The following C8orf88 variants were observed in gnomAD, a reference collection of about 807,000 sequenced individuals.
C8orf88 encodes chromosome 8 open reading frame 88.
Under a neutral mutation model 18.4 loss-of-function variants are expected in C8orf88, and 14 were observed. That is an observed-to-expected ratio of 0.76 (90% confidence interval 0.50 to 1.19). C8orf88 has a LOEUF of 1.19. Among genes scored for constraint, C8orf88 ranks in the 50% most tolerant of loss-of-function variants. The probability of loss-of-function intolerance (pLI) is 0.00; values close to 1 mark genes in which losing one functional copy is unlikely to be tolerated. For missense variants in C8orf88, 116 were observed against 134.7 expected (o/e 0.86, Z 0.69); for synonymous variants, 45 against 42.9 (o/e 1.05, Z -0.19).
intron 3 of C8orf88, among the ~76,000 whole-genome samples, chr8:90,978,058 C>G (rs1026342703): frequency 1.3e-5 from 2 of 152,114 alleles, no homozygotes; most frequent in Non-Finnish European, 2.9e-5. Flanking sequence ...TACTTCTGAT[C>G]AGAGGAAATA....
chr8:90,969,106 G>A lies in C8orf88; in HGVS notation c.223+1960C>T, dbSNP rs568017787. ...ACAACTACCAATGATCCAGCAAGTC[G>A]GCTCCTAGGTATATGCCTGAGAGAA... On this transcript the variant is annotated intron_variant, in intron 4 of 5. Transcript: ENST00000517562. 1.7e-4 allele frequency among the ~76,000 whole-genome samples: 26 copies of A among 151,840 alleles called. 1 individual carries two copies. The South Asian group carries it at 3.7e-3, about 22-fold the overall frequency.
intron 4 of C8orf88, among the ~76,000 whole-genome samples, chr8:90,961,460 G>C (rs1375454975): frequency 2.0e-5 from 3 of 150,820 alleles, no homozygotes; most frequent in South Asian, 2.1e-4. Context: ...TTTTTAATGT[G>C]CTAAAAGAAA....
chr8:90,978,917 T>G (rs760694915), intron 2 of C8orf88, among the ~76,000 whole-genome samples: 27 of 152,122 alleles, frequency 1.8e-4, no homozygotes, highest in Non-Finnish European at 1.6e-4. Flanking sequence ...ATAATACAAT[T>G]TGATAAGCAG....
chr8:90,959,010 C>T lies in C8orf88; in HGVS notation c.351G>A (p.Lys117=), dbSNP rs1479451025. 1 of 1,411,074 alleles carries T rather than the reference C, an allele frequency of 7.1e-7. No homozygotes were observed. The highest frequency in any genetic ancestry group is 9.5e-7 in the Non-Finnish European group (1 of 1,057,164). 87.4% of individuals were successfully genotyped at this position (1,411,074 alleles called of 1,614,324 possible). Residue 117 remains lysine (K), a synonymous_variant, in exon 6 of 6, where the codon AAG becomes AAA. Coordinates refer to ENST00000517562, the MANE Select transcript of C8orf88 (RefSeq NM_001190972.2). ...AAATTCATCTGTTCTTAAAATGCTA[C>T]TTAAAACTTTGGTTGTTTTCCTGTA... ...LQKPENNQSF[K] is the part of the protein sequence containing the mutation.
chr8:90,959,660 A>G (rs1811096744), intron 5 of C8orf88, among the ~76,000 whole-genome samples: 1 of 151,510 alleles, frequency 6.6e-6, no homozygotes. Context: ...GAACAACATA[A>G]TGTTTTTTAA....
chr8:90,972,775 GA>G (rs1483725266), intron 3 of C8orf88, among the ~76,000 whole-genome samples: 2 of 152,074 alleles, frequency 1.3e-5, no homozygotes, highest in Non-Finnish European at 2.9e-5. Flanking sequence ...GCTAGGTTTT[GA>G]AACTCAAGGC....
At chr8:90,983,109 C>T (rs1811456124) in intron 1 of C8orf88, among the ~76,000 whole-genome samples, 1 of 152,046 alleles carries the variant, frequency 6.6e-6, no homozygotes, top group South Asian at 2.1e-4. Flanking sequence ...CCTAGAGTAG[C>T]CATGTATCAT....
chr8:90,975,949 A>G (rs1221788983), intron 3 of C8orf88, among the ~76,000 whole-genome samples: 1 of 151,228 alleles, frequency 6.6e-6, no homozygotes, highest in Non-Finnish European at 1.5e-5. Flanking sequence ...AAAAACAACT[A>G]CTGATATATA....
chr8:90,982,563 G>C (rs561491209), intron 1 of C8orf88, among the ~76,000 whole-genome samples: 1 of 152,030 alleles, frequency 6.6e-6, no homozygotes, highest in Non-Finnish European at 1.5e-5. Flanking sequence ...ATTCAAACTA[G>C]GGATTTTCAA....
intron 3 of C8orf88, among the ~76,000 whole-genome samples, chr8:90,978,176 T>C (rs1323157784): frequency 2.6e-5 from 4 of 152,186 alleles, no homozygotes; most frequent in African/African-American, 9.7e-5. Flanking sequence ...TTAAAATTTG[T>C]AATAAAATGT....
At chr8:90,981,216 A>T (rs745619735) in intron 1 of C8orf88, among the ~76,000 whole-genome samples, 1 of 152,206 alleles carries the variant, frequency 6.6e-6, no homozygotes, top group Non-Finnish European at 1.5e-5. Context: ...ATTCCTTTAA[A>T]GTCATCACCA....
chr8:90,963,334 AC>A (rs1163060235), intron 4 of C8orf88, among the ~76,000 whole-genome samples: 2 of 151,746 alleles, frequency 1.3e-5, no homozygotes, highest in East Asian at 3.9e-4. Context: ...GCAACAACAA[AC>A]CCAAGGGAAG....
intron 4 of C8orf88, among the ~76,000 whole-genome samples, chr8:90,965,527 C>T (rs1811181957): frequency 6.6e-6 from 1 of 151,740 alleles, no homozygotes; most frequent in Non-Finnish European, 1.5e-5. Context: ...ATATACAACA[C>T]TTTACCCAAC....
At position 90,968,532 on chromosome 8, in the gene C8orf88, T is replaced by A. The variant is rs1166725685; in HGVS notation, c.223+2534A>T. ...TTAGATTTGGCAATGATTTGTTAGATATGACACCAAAAACACGAGCAACAA... is the reference window on the plus strand; with the variant it reads ...TTAGATTTGGCAATGATTTGTTAGAAATGACACCAAAAACACGAGCAACAA... On this transcript the variant is annotated intron_variant, in intron 4 of 5. Coordinates refer to ENST00000517562, the MANE Select transcript of C8orf88 (RefSeq NM_001190972.2). 2.7e-5 allele frequency among the ~76,000 whole-genome samples: 4 copies of A among 150,836 alleles called. No individual in the cohort carries two copies. In the Admixed American group the frequency reaches 2.7e-4, roughly 10 times the overall value.
At chr8:90,969,141 A>G (rs1811248112) in intron 4 of C8orf88, among the ~76,000 whole-genome samples, 1 of 151,856 alleles carries the variant, frequency 6.6e-6, no homozygotes, top group Non-Finnish European at 1.5e-5. Context: ...AATGAAAACA[A>G]GTGTTGAAAC....
intron 3 of C8orf88, among the ~76,000 whole-genome samples, chr8:90,977,816 G>A (rs987880231): frequency 3.3e-5 from 5 of 151,984 alleles, no homozygotes; most frequent in African/African-American, 7.2e-5. Flanking sequence ...GTGTCGTGGC[G>A]GGTGCCTATA....
intron 4 of C8orf88, among the ~76,000 whole-genome samples, chr8:90,966,662 T>C (rs1433384723): frequency 6.6e-6 from 1 of 151,474 alleles, no homozygotes; most frequent in Non-Finnish European, 1.5e-5. Context: ...ACTAAAATAA[T>C]AAACAACAAT....
At chr8:90,984,879 G>T (rs142939957) in intron 1 of C8orf88, among the ~76,000 whole-genome samples, 1 of 151,980 alleles carries the variant, frequency 6.6e-6, no homozygotes, top group African/African-American at 2.4e-5. Context: ...GGGCTCCCCT[G>T]GCCCCCTACA....
rs1370464529 is a variant in C8orf88, at chr8:90,958,834, T to C, written c.*173A>G. ...AGGAAACCTCCTGCAAAGCTGAAAC[T>C]GATTAGAAAATTCTTTATATTTTAA... On this transcript the variant is annotated 3_prime_UTR_variant, in exon 6 of 6. Coordinates refer to ENST00000517562, the MANE Select transcript of C8orf88 (RefSeq NM_001190972.2). The C allele has an allele frequency of 4.2e-6, 2 of 478,680 alleles. No homozygotes were observed. The highest frequency in any genetic ancestry group is 4.4e-5 in the Admixed American group (1 of 22,566). 29.7% of individuals were successfully genotyped at this position (478,680 alleles called of 1,614,324 possible). A position where few individuals can be genotyped will look rare whatever the true frequency, so the allele number is the denominator to read the frequency against.
Sources: gnomAD v4.1 joint callset for allele counts (sites outside exome capture counted in the v4.1 genomes callset) on GRCh38, gnomAD v4.1.1 for gene constraint, MANE v1.5 for transcripts, NCBI Gene and HGNC (gene_info 2026-07-23, HGNC 2026-07-21) for gene names.